The following SENP6 variants were observed in gnomAD, a reference collection of about 807,000 sequenced individuals.
The protein encoded by SENP6 is SUMO specific peptidase 6, also known as sentrin-specific protease 6.
In SENP6, 41 loss-of-function variants were observed where a neutral mutation model predicts 134.5. The observed-to-expected ratio is 0.30, with a 90% confidence interval of 0.24 to 0.40. The LOEUF is 0.40. SENP6 is among the 10% of genes least tolerant of loss of function. The pLI, the probability that SENP6 is intolerant of heterozygous loss-of-function variation, is 1.00. For synonymous variants in SENP6, 395 were observed against 429.8 expected, an observed-to-expected ratio of 0.92 and a Z score of 1.00; for missense variants, 1,248 against 1,312.5, an observed-to-expected ratio of 0.95 and a Z score of 0.76.
rs192697183 is a variant in SENP6, at chr6:75,663,450, G to C, written c.926G>C (p.Gly309Ala). The C allele has an allele frequency of 5.7e-5, 92 of 1,612,572 alleles. No homozygotes were observed. The highest frequency in any genetic ancestry group is 7.7e-5 in the Non-Finnish European group (91 of 1,179,610). ...ACTAATGGAAAAGTCATTTTACCTG[G>C]GGCAAAAATACCCAAAATCACAAAC... ...LQTNGKVILP[G>A]AKIPKITNLK... is the part of the protein sequence containing the mutation. The change falls in exon 9 of 24, where the codon GGG becomes GCG. Residue 309 changes from glycine to alanine, a missense_variant. Physicochemically the swap from Gly to Ala is moderately conservative, Grantham distance 60 (BLOSUM62 0). Transcript: ENST00000447266.
chr6:75,694,462 C>T (rs1774517506), intron 16 of SENP6, among the ~76,000 whole-genome samples: 2 of 152,178 alleles, frequency 1.3e-5, no homozygotes, highest in Admixed American at 6.5e-5. Flanking sequence ...ATACATATAA[C>T]ATACAATTCA....
intron 11 of SENP6, 112 bp downstream of exon 11, chr6:75,670,832 A>G: frequency 2.3e-6 from 1 of 442,182 alleles, no homozygotes; most frequent in African/African-American, 2.1e-5. Flanking sequence ...ATAGAATATC[A>G]GTTAGTTCAA....
At chr6:75,657,569 T>G (rs906323539) in intron 7 of SENP6, among the ~76,000 whole-genome samples, 2 of 152,236 alleles carry the variant, frequency 1.3e-5, no homozygotes, top group African/African-American at 4.8e-5. Flanking sequence ...TTTCATTTTT[T>G]TATGTGTCAT....
At chr6:75,630,403 C>T (rs750528937) in intron 3 of SENP6, among the ~76,000 whole-genome samples, 5 of 152,096 alleles carry the variant, frequency 3.3e-5, no homozygotes, top group East Asian at 3.9e-4. Context: ...AGGAAACTAC[C>T]GGCAAGAAAA....
At chr6:75,603,025 C>G (rs933883983) in intron 1 of SENP6, among the ~76,000 whole-genome samples, 2 of 152,200 alleles carry the variant, frequency 1.3e-5, no homozygotes, top group East Asian at 3.8e-4. Context: ...TTTATACCCT[C>G]TGGTCTGTTT....
intron 12 of SENP6, 41 bp downstream of exon 12, chr6:75,675,509 T>C: frequency 8.2e-7 from 1 of 1,226,544 alleles, no homozygotes; most frequent in Non-Finnish European, 1.2e-6. Context: ...AAGCTTTCTT[T>C]ACACCAAAGC....
chr6:75,618,771 T>C (rs1345198648), intron 1 of SENP6, among the ~76,000 whole-genome samples: 1 of 152,188 alleles, frequency 6.6e-6, no homozygotes, highest in East Asian at 1.9e-4. Context: ...GTCTTTCCTC[T>C]CTTGCTTATT....
intron 7 of SENP6, among the ~76,000 whole-genome samples, chr6:75,649,486 C>A (rs2149851081): frequency 6.6e-6 from 1 of 152,238 alleles, no homozygotes; most frequent in South Asian, 2.1e-4. Context: ...TGCTTATTTA[C>A]TGTTCTTTTA....
intron 19 of SENP6, among the ~76,000 whole-genome samples, chr6:75,704,628 T>C (rs190823670): frequency 1.1e-3 from 169 of 152,314 alleles, no homozygotes; most frequent in African/African-American, 3.8e-3. Flanking sequence ...GCTTTCCTCT[T>C]TCACTAATCC....
intron 1 of SENP6, among the ~76,000 whole-genome samples, chr6:75,605,973 G>A (rs1370978189): frequency 6.6e-6 from 1 of 152,136 alleles, no homozygotes; most frequent in African/African-American, 2.4e-5. Flanking sequence ...TGGATGTAGA[G>A]CTTACAGGAC....
chr6:75,659,953 A>G (rs1429836738), intron 8 of SENP6, among the ~76,000 whole-genome samples: 2 of 152,244 alleles, frequency 1.3e-5, no homozygotes, highest in African/African-American at 2.4e-5. Context: ...ACATTGATCT[A>G]AAATTACCAT....
At chr6:75,606,528 A>G (rs550632073) in intron 1 of SENP6, among the ~76,000 whole-genome samples, 2 of 152,212 alleles carry the variant, frequency 1.3e-5, no homozygotes, top group African/African-American at 2.4e-5. Context: ...TGTTTTTTTC[A>G]TAGAGTGTTC....
intron 16 of SENP6, among the ~76,000 whole-genome samples, chr6:75,690,678 GTTTTGGTT>G (rs1468147513): frequency 6.7e-6 from 1 of 148,648 alleles, no homozygotes; most frequent in Non-Finnish European, 1.5e-5. Flanking sequence ...TTATATGTTT[GTTTTGGTT>G]TTTTTGTTTT....
intron 7 of SENP6, among the ~76,000 whole-genome samples, chr6:75,651,416 A>G (rs1770852733): frequency 1.3e-5 from 2 of 152,180 alleles, no homozygotes; most frequent in Non-Finnish European, 2.9e-5. Flanking sequence ...GTACAGTGAC[A>G]TGATTATGGC....
Position 75,602,237 on chromosome 6 carries a change from G to A in SENP6, c.-288G>A. 2.9e-6 allele frequency: 1 copy of A among 347,820 alleles called. No individual in the cohort carries two copies. The highest frequency in any genetic ancestry group is 7.7e-5 in the South Asian group (1 of 13,030). The allele number at this position is 347,820 out of a possible 1,614,324, so 21.5% of individuals were successfully genotyped here. ...GGGGAGTCGTGGGCCGAGAGGAACC[G>A]GGCCCGGGAAGCGCCGTCGTCGTCG... On this transcript the variant is annotated 5_prime_UTR_variant, in exon 1 of 24. Transcript: ENST00000447266.
At chr6:75,651,340 C>A (rs1770845265) in intron 7 of SENP6, among the ~76,000 whole-genome samples, 1 of 152,028 alleles carries the variant, frequency 6.6e-6, no homozygotes, top group Non-Finnish European at 1.5e-5. Context: ...CACTGCTTAA[C>A]ACATGTTAAC....
chr6:75,617,991 T>G (rs559241437), intron 1 of SENP6, among the ~76,000 whole-genome samples: 1 of 152,338 alleles, frequency 6.6e-6, no homozygotes, highest in South Asian at 2.1e-4. Flanking sequence ...AAGTGCTATT[T>G]TCATCATACC....
At chr6:75,669,200 A>G (rs538027346) in intron 10 of SENP6, among the ~76,000 whole-genome samples, 4 of 152,002 alleles carry the variant, frequency 2.6e-5, no homozygotes, top group Non-Finnish European at 5.9e-5. Flanking sequence ...AAATACAAAA[A>G]AATTAGCCAG....
chr6:75,665,148 T>A (rs972597543), intron 9 of SENP6, among the ~76,000 whole-genome samples: 2 of 152,016 alleles, frequency 1.3e-5, no homozygotes, highest in Non-Finnish European at 2.9e-5. Context: ...TAGCCGGGCA[T>A]GGTGGTGGGT....
Sources: gnomAD v4.1 joint callset for allele counts (sites outside exome capture counted in the v4.1 genomes callset) on GRCh38, gnomAD v4.1.1 for gene constraint, MANE v1.5 for transcripts, NCBI Gene and HGNC (gene_info 2026-07-23, HGNC 2026-07-21) for gene names.